The following NCAPD3 variants were observed in gnomAD, a reference collection of about 807,000 sequenced individuals.
The protein encoded by NCAPD3 is non-SMC condensin II complex subunit D3.
NCAPD3 carries 105 observed loss-of-function variants against 182.9 expected under a neutral mutation model. That is an observed-to-expected ratio of 0.57 (90% CI 0.49 to 0.68). NCAPD3 has a LOEUF of 0.68. Among genes scored for constraint, NCAPD3 ranks in the 30% least tolerant of loss-of-function variants. The pLI is 0.00. For synonymous variants in NCAPD3, 815 were observed against 679.9 expected, an observed-to-expected ratio of 1.20 and a Z score of -3.09; for missense variants, 1,944 against 1,837.0, an observed-to-expected ratio of 1.06 and a Z score of -1.07.
In NCAPD3 at chr11:134,220,713, T is replaced by G; in HGVS notation, c.78A>C (p.Thr26=). Residue 26 remains threonine, a synonymous_variant, in exon 2 of 35, where the codon ACA becomes ACC. Coordinates refer to ENST00000534548, the MANE Select transcript of NCAPD3 (RefSeq NM_015261.3). The part of the protein sequence containing the change: ...PLDLRLEWVD[T]VWELDFTETE... ...TCTCTGTGAAATCCAGTTCCCACACTGTGTCAACCCATTCTAGGGGAAAAT... is the reference window on the plus strand; with the variant it reads ...TCTCTGTGAAATCCAGTTCCCACACGGTGTCAACCCATTCTAGGGGAAAAT... 1 of 1,613,538 alleles carries G rather than the reference T, an allele frequency of 6.2e-7. No homozygotes were observed. The highest frequency in any genetic ancestry group is 1.7e-4 in the Middle Eastern group (1 of 6,058).
chr11:134,220,493 T>G, intron 2 of NCAPD3, 79 bp downstream of exon 2: 1 of 1,397,650 alleles, frequency 7.2e-7, no homozygotes, highest in South Asian at 1.3e-5. Context: ...CCAAGAAAGC[T>G]AAGCTTCAGA....
Position 134,153,306 on chromosome 11 carries a change from G to A in NCAPD3, c.4310C>T (p.Thr1437Ile). 1.9e-6 allele frequency: 3 copies of A among 1,614,198 alleles called. No individual in the cohort carries two copies. The highest frequency in any genetic ancestry group is 2.5e-6 in the Non-Finnish European group (3 of 1,180,040). ...GAACTTGCCTTTGGCTGACGACGGA[G>A]TCCGTGGTGTCCCGATGTAACTGAC... ...AGVSYIGTPR[T>I]PSSAKEKIEG... Residue 1437 changes from threonine (T) to isoleucine (I), a missense_variant, in exon 33 of 35, where the codon ACT becomes ATT. Physicochemically the swap from Thr to Ile is moderately conservative, Grantham distance 89. Coordinates refer to ENST00000534548, the MANE Select transcript of NCAPD3 (RefSeq NM_015261.3).
intron 1 of NCAPD3, chr11:134,223,359 G>A: frequency 1.4e-6 from 1 of 694,482 alleles, no homozygotes; most frequent in Non-Finnish European, 2.6e-6. Flanking sequence ...GGCATGAAAG[G>A]GGAAGCAGAA....
chr11:134,156,062 A>C (rs2120503768), intron 32 of NCAPD3, among the ~76,000 whole-genome samples: 1 of 152,342 alleles, frequency 6.6e-6, no homozygotes, highest in South Asian at 2.1e-4. Context: ...CTCTGTTACC[A>C]GGAAGAGCAC....
At chr11:134,224,437 A>G, upstream of NCAPD3, 1 of 169,820 alleles carries the variant, frequency 5.9e-6, no homozygotes, top group South Asian at 1.1e-4. Context: ...CACTCCGAGA[A>G]GACAAGACAA....
intron 27 of NCAPD3, among the ~76,000 whole-genome samples, chr11:134,167,345 CGTG>C (rs1943865950): frequency 6.1e-5 from 3 of 49,148 alleles, no homozygotes; most frequent in African/African-American, 9.6e-5. Flanking sequence ...GGCGCACACT[CGTG>C]AGATGAGCTT....
At chr11:134,185,872 C>A in intron 16 of NCAPD3, 1 of 164,722 alleles carries the variant, frequency 6.1e-6, no homozygotes, top group East Asian at 1.7e-4. Context: ...CCAGAGCTTA[C>A]ACAGTTATAG....
In NCAPD3 at chr11:134,153,596, G is replaced by T. The variant is rs149181158; in HGVS notation, c.4253-233C>A. The T allele has an allele frequency of 3.2e-3, 1,815 of 568,146 alleles. 23 individuals carry two copies. The highest frequency in any genetic ancestry group is 0.03 in the African/African-American group (1,584 of 53,348). 35.2% of individuals were successfully genotyped at this position (568,146 alleles called of 1,614,324 possible). ...ACCCGCAGCCCTCAGGCACTCGGCTGGCCCCTGGGCCTCACTGTTCACGCC... is the reference window on the plus strand; with the variant it reads ...ACCCGCAGCCCTCAGGCACTCGGCTTGCCCCTGGGCCTCACTGTTCACGCC... On this transcript the variant is annotated intron_variant, in intron 32 of 34. Coordinates refer to ENST00000534548, the MANE Select transcript of NCAPD3 (RefSeq NM_015261.3).
intron 3 of NCAPD3, among the ~76,000 whole-genome samples, chr11:134,213,970 C>G (rs375283848): frequency 2.0e-5 from 3 of 151,962 alleles, no homozygotes; most frequent in Admixed American, 2.0e-4. Flanking sequence ...GATAATTATT[C>G]TTAGAGATTC....
At position 134,152,897 on chromosome 11, in the gene NCAPD3, C is replaced by G. The variant is rs1943295706; in HGVS notation, c.*47G>C. On this transcript the variant is annotated 3_prime_UTR_variant, in exon 35 of 35. Coordinates refer to ENST00000534548, the MANE Select transcript of NCAPD3 (RefSeq NM_015261.3). ...CCTTCACACGGAGGACACGAGACTG[C>G]TTCCTCAAGGGCTCCTGCCTGCCTG... 7.0e-7 allele frequency: 1 copy of G among 1,429,542 alleles called. No individual in the cohort carries two copies. Among genetic ancestry groups the G allele is most frequent in the African/African-American group, 1.4e-5 (1 of 69,766 alleles). 88.6% of individuals were successfully genotyped at this position (1,429,542 alleles called of 1,614,324 possible).
At chr11:134,191,793 G>C (rs1328943602) in intron 16 of NCAPD3, among the ~76,000 whole-genome samples, 1 of 152,166 alleles carries the variant, frequency 6.6e-6, no homozygotes, top group African/African-American at 2.4e-5. Flanking sequence ...TTGGATTCTG[G>C]AATATCTGCA....
chr11:134,187,653 AC>A (rs35896887), intron 16 of NCAPD3, among the ~76,000 whole-genome samples: 11,831 of 152,204 alleles, frequency 0.078, 597 homozygotes, highest in Admixed American at 0.11. Flanking sequence ...CTGGGAAGCC[AC>A]CCTAAGCCAG....
intron 19 of NCAPD3, chr11:134,183,120 C>T (rs908251303): frequency 3.5e-5 from 16 of 456,164 alleles, no homozygotes; most frequent in Middle Eastern, 3.2e-4. Context: ...GCCCTGACTG[C>T]GCGCTGTACA....
Position 134,208,964 on chromosome 11 carries a change from G to A in NCAPD3, c.795-13C>T. The A allele has an allele frequency of 6.6e-7, 1 of 1,515,774 alleles. No individual in the cohort carries two copies. The allele number at this position is 1,515,774 out of a possible 1,614,324, so 93.9% of individuals were successfully genotyped here. ...TTGGTTAAGAGCTCTAAAAAAAAAA[G>A]ACGAAATATTAGTTAATGGATATGA... On this transcript the variant is annotated splice_polypyrimidine_tract_variant and intron_variant, in intron 6 of 34. Coordinates refer to ENST00000534548, the MANE Select transcript of NCAPD3 (RefSeq NM_015261.3).
At chr11:134,167,378 G>A (rs1441114311) in intron 27 of NCAPD3, among the ~76,000 whole-genome samples, 1 of 97,858 alleles carries the variant, frequency 1.0e-5, no homozygotes, top group African/African-American at 4.3e-5. Context: ...GCACACTCGT[G>A]AGAGGAGCTT....
At position 134,168,214 on chromosome 11, in the gene NCAPD3, G is replaced by C. The variant is rs752396135; in HGVS notation, c.3374-19C>G. Reference sequence around the variant, plus strand: ...AAGCACGCTGAGAGACAGAGAGAGAGAAAAACGTGAGCTTCTGAGAAATGC... The same window carrying C: ...AAGCACGCTGAGAGACAGAGAGAGACAAAAACGTGAGCTTCTGAGAAATGC... On this transcript the variant is annotated intron_variant, in intron 26 of 34. Coordinates refer to ENST00000534548, the MANE Select transcript of NCAPD3 (RefSeq NM_015261.3). 1 of 1,605,256 alleles carries C rather than the reference G, an allele frequency of 6.2e-7. No homozygotes were observed. The highest frequency in any genetic ancestry group is 8.5e-7 in the Non-Finnish European group (1 of 1,172,280).
At chr11:134,220,484 C>A in intron 2 of NCAPD3, 88 bp downstream of exon 2, 1 of 1,328,858 alleles carries the variant, frequency 7.5e-7, no homozygotes. Flanking sequence ...AACTGTACAC[C>A]AAGAAAGCTA....
At position 134,150,631 on chromosome 11, in the gene NCAPD3, C is replaced by A. The variant is rs1483017800; in HGVS notation, c.*2313G>T. ...TATGGATGGCTCACAAAATAGGGCC[C>A]CCAATGCTATTTTTTTTTTTTAAGT... On this transcript the variant is annotated 3_prime_UTR_variant, in exon 35 of 35. Transcript: ENST00000534548. 1 of 150,384 alleles carries A rather than the reference C, an allele frequency of 6.6e-6. No homozygotes were observed. The highest frequency in any genetic ancestry group is 1.5e-5 in the Non-Finnish European group (1 of 67,952). 9.3% of individuals were successfully genotyped at this position (150,384 alleles called of 1,614,324 possible).
chr11:134,220,854 A>G (rs1484617670), intron 1 of NCAPD3, 128 bp from the exon 2 acceptor site: 36 of 846,682 alleles, frequency 4.3e-5, no homozygotes, highest in Non-Finnish European at 6.5e-5. Context: ...ACTTGTTTTA[A>G]TAACATAGGT....
Sources: allele counts gnomAD v4.1 joint callset (sites outside exome capture counted in the v4.1 genomes callset), GRCh38; gene constraint gnomAD v4.1.1; transcripts MANE v1.5; gene names NCBI Gene and HGNC (gene_info 2026-07-23, HGNC 2026-07-21).